ZCCHC2: variants seen among roughly 807,000 people sequenced by gnomAD.
ZCCHC2 encodes zinc finger CCHC-type containing 2.
ZCCHC2 carries 39 observed loss-of-function variants against 103.6 expected under a neutral mutation model. That is an observed-to-expected ratio of 0.38 (90% confidence interval 0.29 to 0.49). The LOEUF is 0.49. Among genes scored for constraint, ZCCHC2 ranks in the 20% least tolerant of loss-of-function variants. The pLI, the probability that ZCCHC2 is intolerant of heterozygous loss-of-function variation, is 0.96. For synonymous variants in ZCCHC2, 687 were observed against 608.9 expected (o/e 1.13, Z -1.89); for missense variants, 1,483 against 1,491.0 (o/e 0.99, Z 0.09).
intron 1 of ZCCHC2, among the ~76,000 whole-genome samples, chr18:62,528,168 C>T (rs1421929722): frequency 2.0e-5 from 3 of 152,130 alleles, no homozygotes; most frequent in Non-Finnish European, 4.4e-5. Flanking sequence ...TGTAAACTTT[C>T]GATACTAAGG....
intron 5 of ZCCHC2, chr18:62,552,653 C>G (rs1248919486): frequency 6.6e-6 from 1 of 152,116 alleles, no homozygotes; most frequent in Non-Finnish European, 1.5e-5. Context: ...AGTCACAGCC[C>G]TTTGCGAGGC....
Position 62,550,490 on chromosome 18 carries a change from A to C in ZCCHC2, c.1313+30A>C, listed in dbSNP as rs202239421. 445 of 1,565,200 alleles carry C rather than the reference A, an allele frequency of 2.8e-4. 1 individual carries two copies. The African/African-American group carries it at 5.5e-3, about 19-fold the overall frequency. On this transcript the variant is annotated intron_variant, in intron 5 of 13. Coordinates refer to ENST00000269499, the MANE Select transcript of ZCCHC2 (RefSeq NM_017742.6). ...TGATTTACCTGACGCCTATCATAGCAGCATACACACAGGACAAAGGGCCGC... is the reference window on the plus strand; with the variant it reads ...TGATTTACCTGACGCCTATCATAGCCGCATACACACAGGACAAAGGGCCGC...
At chr18:62,571,031 G>A (rs545484359) in intron 12 of ZCCHC2, among the ~76,000 whole-genome samples, 3 of 152,190 alleles carry the variant, frequency 2.0e-5, no homozygotes, top group African/African-American at 7.2e-5. Context: ...GCTTTTCAAA[G>A]CCTCCTGTAG....
chr18:62,555,266 C>T (rs952841475), intron 5 of ZCCHC2, among the ~76,000 whole-genome samples: 5 of 152,106 alleles, frequency 3.3e-5, no homozygotes, highest in Non-Finnish European at 5.9e-5. Flanking sequence ...GTACCACTGT[C>T]GGGAAGACCT....
chr18:62,523,414 C>A lies in ZCCHC2; in HGVS notation c.-11C>A. ...GCCCCCGCTCGCATGTCTGCGCCGC[C>A]CTAGCCGAGGATGCTGAGGATGAAG... is the stretch of plus-strand genomic sequence containing the variant. On this transcript the variant is annotated 5_prime_UTR_variant, in exon 1 of 14. Coordinates refer to ENST00000269499, the MANE Select transcript of ZCCHC2 (RefSeq NM_017742.6). 1 of 1,071,558 alleles carries A rather than the reference C, an allele frequency of 9.3e-7. No individual in the cohort carries two copies. The highest frequency in any genetic ancestry group is 1.1e-6 in the Non-Finnish European group (1 of 880,780). 66.4% of individuals were successfully genotyped at this position (1,071,558 alleles called of 1,614,324 possible). A position where few individuals can be genotyped will look rare whatever the true frequency, so the allele number is the denominator to read the frequency against.
intron 11 of ZCCHC2, among the ~76,000 whole-genome samples, chr18:62,565,705 A>C (rs1465996551): frequency 1.3e-5 from 2 of 152,204 alleles, no homozygotes; most frequent in Non-Finnish European, 2.9e-5. Flanking sequence ...ACGATTAAAA[A>C]AGAATAAGAG....
In ZCCHC2 at chr18:62,550,480, C is replaced by T. The variant is rs1335861714; in HGVS notation, c.1313+20C>T. The stretch of plus-strand genomic sequence containing the variant: ...CCTAAGGTAATGATTTACCTGACGC[C>T]TATCATAGCAGCATACACACAGGAC... On this transcript the variant is annotated intron_variant, in intron 5 of 13. Coordinates refer to ENST00000269499, the MANE Select transcript of ZCCHC2 (RefSeq NM_017742.6). The T allele has an allele frequency of 9.5e-6, 15 of 1,585,030 alleles. No individual in the cohort carries two copies. Among genetic ancestry groups the T allele is most frequent in the Admixed American group, 1.7e-5 (1 of 58,710 alleles).
chr18:62,557,322 A>T (rs1915930803), intron 6 of ZCCHC2, among the ~76,000 whole-genome samples: 1 of 152,124 alleles, frequency 6.6e-6, no homozygotes, highest in Non-Finnish European at 1.5e-5. Context: ...TTCTTTTTTA[A>T]AACTGTCCCT....
At chr18:62,537,681 T>G (rs751644186) in intron 1 of ZCCHC2, among the ~76,000 whole-genome samples, 2 of 152,240 alleles carry the variant, frequency 1.3e-5, no homozygotes, top group Admixed American at 6.5e-5. Context: ...TATCTGTTCA[T>G]CCATTGATGG....
chr18:62,577,848 G>T lies in ZCCHC2; in HGVS notation c.*1269G>T, dbSNP rs544623340. 6.5e-6 allele frequency: 1 copy of T among 152,686 alleles called. No individual in the cohort carries two copies. The highest frequency in any genetic ancestry group is 2.1e-4 in the South Asian group (1 of 4,828). The allele number at this position is 152,686 out of a possible 1,614,324, so 9.5% of individuals were successfully genotyped here. On this transcript the variant is annotated 3_prime_UTR_variant, in exon 14 of 14. Coordinates refer to ENST00000269499, the MANE Select transcript of ZCCHC2 (RefSeq NM_017742.6). ...TAAAGTGCACTGAGGTTATCTGGAAGATTGGGTGTATTTTTTGGTGACTGC... is the reference window on the plus strand; with the variant it reads ...TAAAGTGCACTGAGGTTATCTGGAATATTGGGTGTATTTTTTGGTGACTGC...
At chr18:62,564,277 A>G (rs146821252) in intron 9 of ZCCHC2, among the ~76,000 whole-genome samples, 160 of 152,344 alleles carry the variant, frequency 1.1e-3, no homozygotes, top group African/African-American at 3.7e-3. Context: ...TAGTAAACCT[A>G]CAGCAAGTGC....
downstream of ZCCHC2, chr18:62,582,029 G>A (rs1917050223): frequency 6.5e-6 from 1 of 153,392 alleles, no homozygotes; most frequent in Non-Finnish European, 1.5e-5. Flanking sequence ...GTGGGGGAAG[G>A]AGATACAGCC....
intron 11 of ZCCHC2, among the ~76,000 whole-genome samples, chr18:62,569,245 T>C (rs999677375): frequency 3.9e-5 from 6 of 152,234 alleles, no homozygotes; most frequent in Non-Finnish European, 5.9e-5. Flanking sequence ...GTTGCCTGCA[T>C]TGCTCATTAT....
chr18:62,542,833 C>T (rs1336807463), intron 3 of ZCCHC2, among the ~76,000 whole-genome samples: 1 of 152,098 alleles, frequency 6.6e-6, no homozygotes, highest in Non-Finnish European at 1.5e-5. Flanking sequence ...ATGTAAGATA[C>T]ATCTTTAAAA....
chr18:62,575,801 G>A (rs548666037), intron 13 of ZCCHC2, among the ~76,000 whole-genome samples: 2 of 152,230 alleles, frequency 1.3e-5, no homozygotes, highest in South Asian at 4.1e-4. Flanking sequence ...TTTTGAAGGA[G>A]TGTGATGGGA....
rs537225886 is a variant in ZCCHC2, at chr18:62,545,040, T to G, written c.1200+167T>G. On this transcript the variant is annotated intron_variant, in intron 4 of 13. Transcript: ENST00000269499. Reference sequence around the variant, plus strand: ...AACGTCATGTTATTCTAAAAATGTTTTCTTACCTGACATTACCAACATAAG... The same window carrying G: ...AACGTCATGTTATTCTAAAAATGTTGTCTTACCTGACATTACCAACATAAG... Among the ~76,000 whole-genome samples, 255 of 152,286 alleles carry G rather than the reference T, an allele frequency of 1.7e-3. 2 individuals carry two copies. Among genetic ancestry groups the G allele is most frequent in the East Asian group, 1.9e-3 (10 of 5,190 alleles).
chr18:62,540,434 CCTT>C (rs1429151098), intron 2 of ZCCHC2, among the ~76,000 whole-genome samples: 1 of 132,836 alleles, frequency 7.5e-6, no homozygotes, highest in Admixed American at 6.9e-5. Context: ...CATTATGTCT[CCTT>C]TTTTTTTTTT....
intron 9 of ZCCHC2, among the ~76,000 whole-genome samples, chr18:62,564,188 CA>C (rs1216841411): frequency 7.2e-5 from 11 of 152,198 alleles, no homozygotes; most frequent in Non-Finnish European, 1.5e-4. Context: ...TCCCCTACTC[CA>C]GTGCCTGCAC....
Position 62,523,376 on chromosome 18 carries a change from G to GGGGGGCCCCCC in ZCCHC2, c.-49_-48insGGGGGCCCCCC. Reference sequence around the variant, plus strand: ...GCCTCGGCCCGTGCTCCACCTCGCGGCCCCTCCCGCCCGCCCCCGCTCGCA... The same window carrying GGGGGGCCCCCC: ...GCCTCGGCCCGTGCTCCACCTCGCGGGGGGGCCCCCCCCCCTCCCGCCCGCCCCCGCTCGCA... On this transcript the variant is annotated 5_prime_UTR_variant, in exon 1 of 14. Coordinates refer to ENST00000269499, the MANE Select transcript of ZCCHC2 (RefSeq NM_017742.6). 4.9e-6 allele frequency: 5 copies of GGGGGGCCCCCC among 1,012,350 alleles called. No homozygotes were observed. Among genetic ancestry groups the GGGGGGCCCCCC allele is most frequent in the Non-Finnish European group, 5.9e-6 (5 of 848,986 alleles). The allele number at this position is 1,012,350 out of a possible 1,614,324, so 62.7% of individuals were successfully genotyped here. A position where few individuals can be genotyped will look rare whatever the true frequency, so the allele number is the denominator to read the frequency against.
Sources: gnomAD v4.1 joint callset for allele counts (sites outside exome capture counted in the v4.1 genomes callset) on GRCh38, gnomAD v4.1.1 for gene constraint, MANE v1.5 for transcripts, NCBI Gene and HGNC (gene_info 2026-07-23, HGNC 2026-07-21) for gene names.